The following GNAT2 variants were observed in gnomAD, a reference collection of about 807,000 sequenced individuals.
GNAT2 encodes the protein guanine nucleotide-binding protein G(t) subunit alpha-2.
In GNAT2, 32 loss-of-function variants were observed where a neutral mutation model predicts 40.9. The observed-to-expected ratio is 0.78, with a 90% CI of 0.59 to 1.05. The LOEUF (loss-of-function observed/expected upper bound fraction) is 1.05. Ranked by LOEUF, GNAT2 falls within the 50% of genes least tolerant of loss-of-function variation. The pLI is 0.00. For missense variants in GNAT2, 355 were observed against 431.5 expected, an observed-to-expected ratio of 0.82 and a Z score of 1.57; for synonymous variants, 141 against 157.2, an observed-to-expected ratio of 0.90 and a Z score of 0.77.
Position 109,603,279 on chromosome 1 carries a change from G to T in GNAT2, c.*75C>A. The T allele has an allele frequency of 1.3e-6, 1 of 790,030 alleles. No individual in the cohort carries two copies. Among genetic ancestry groups the T allele is most frequent in the South Asian group, 1.4e-5 (1 of 71,162 alleles). The allele number at this position is 790,030 out of a possible 1,614,324, so 48.9% of individuals were successfully genotyped here. On this transcript the variant is annotated 3_prime_UTR_variant, in exon 9 of 9. Coordinates refer to ENST00000679935, the MANE Select transcript of GNAT2 (RefSeq NM_001377295.2). ...TTCATTCTTCATGTCATGGTATATTGACTATAATTTTCTGTTTTTAATTAC... is the reference window on the plus strand; with the variant it reads ...TTCATTCTTCATGTCATGGTATATTTACTATAATTTTCTGTTTTTAATTAC...
rs1380050200 is a variant in GNAT2, at chr1:109,612,750, C to T, written c.118+3G>A. 1.9e-6 allele frequency: 3 copies of T among 1,546,008 alleles called. No individual in the cohort carries two copies. Among genetic ancestry groups the T allele is most frequent in the Admixed American group, 3.3e-5 (2 of 59,966 alleles). On this transcript the variant is annotated splice_donor_region_variant and intron_variant, in intron 2 of 8. Transcript: ENST00000679935. ...CTCTGGCTCATCTTCCCATCTCACT[C>T]ACCCAGCAGTAGCAGCTTGACAGTC...
intron 4 of GNAT2, chr1:109,609,131 G>A: frequency 2.7e-6 from 1 of 365,738 alleles, no homozygotes; most frequent in Non-Finnish European, 5.3e-6. Flanking sequence ...GTAAAGGCCA[G>A]ATTGACCATG....
intron 2 of GNAT2, chr1:109,610,912 C>T (rs1649773246): frequency 3.4e-6 from 1 of 290,434 alleles, no homozygotes; most frequent in Non-Finnish European, 6.7e-6. Flanking sequence ...AACATTTCTC[C>T]TCTCTGCCTA....
At chr1:109,617,974 G>A (rs1649997591) in intron 1 of GNAT2, 1 of 152,196 alleles carries the variant, frequency 6.6e-6, no homozygotes, top group Non-Finnish European at 1.5e-5. Context: ...GGCCATAAAT[G>A]TAAACAGAAT....
chr1:109,606,036 G>A lies in GNAT2; in HGVS notation c.654C>T (p.Val218=), dbSNP rs1439686767. 9 of 1,612,240 alleles carry A rather than the reference G, an allele frequency of 5.6e-6. No individual in the cohort carries two copies. Among genetic ancestry groups the A allele is most frequent in the South Asian group, 5.5e-5 (5 of 91,034 alleles). ...GGGCTGCACAGAAAATGATGCAGGT[G>A]ACTCCCTCGAAGCAGTGGATCCACT... is the stretch of plus-strand genomic sequence containing the variant. ...RKKWIHCFEG[V]TCIIFCAALS... Residue 218 remains valine, a synonymous_variant, in exon 7 of 9, where the codon GTC becomes GTT. Coordinates refer to ENST00000679935, the MANE Select transcript of GNAT2 (RefSeq NM_001377295.2).
intron 2 of GNAT2, chr1:109,611,838 C>T (rs1301040784): frequency 1.3e-5 from 2 of 152,170 alleles, no homozygotes; most frequent in Non-Finnish European, 2.9e-5. Flanking sequence ...TTAGTGTGTC[C>T]TTACGACTGT....
At chr1:109,610,850 C>T (rs1649771586) in intron 2 of GNAT2, 2 of 398,876 alleles carry the variant, frequency 5.0e-6, no homozygotes, top group South Asian at 4.7e-5. Context: ...TGACCACTGG[C>T]AGTCAAAATC....
At chr1:109,608,584 A>G (rs1236371558) in intron 5 of GNAT2, 47 bp downstream of exon 5, 17 of 1,576,708 alleles carry the variant, frequency 1.1e-5, no homozygotes, top group Middle Eastern at 1.7e-4. Context: ...AAGACTGGCT[A>G]GAAGATTGCT....
chr1:109,605,771 T>C, intron 7 of GNAT2, 199 bp downstream of exon 7: 1 of 555,658 alleles, frequency 1.8e-6, no homozygotes, highest in South Asian at 1.9e-5. Flanking sequence ...TCAGTAAATT[T>C]GGAGCTCTAA....
intron 1 of GNAT2, chr1:109,615,522 C>G (rs1649926366): frequency 6.6e-6 from 1 of 151,812 alleles, no homozygotes; most frequent in South Asian, 2.0e-4. Context: ...GTAATCCCAG[C>G]TACTTGGGAG....
At position 109,610,037 on chromosome 1, in the gene GNAT2, T is replaced by C. The variant is rs1445911815; in HGVS notation, c.303+3A>G. On this transcript the variant is annotated splice_donor_region_variant and intron_variant, in intron 4 of 8. Transcript: ENST00000679935. ...CCTTAACCACATAATAGTAATCACATACCGCACAGCTTGGTTCAGCATAAT... is the reference window on the plus strand; with the variant it reads ...CCTTAACCACATAATAGTAATCACACACCGCACAGCTTGGTTCAGCATAAT... 6.2e-7 allele frequency: 1 copy of C among 1,613,860 alleles called. No homozygotes were observed. The highest frequency in any genetic ancestry group is 1.7e-5 in the Admixed American group (1 of 60,004).
chr1:109,609,967 G>T, intron 4 of GNAT2, 73 bp downstream of exon 4: 1 of 1,429,610 alleles, frequency 7.0e-7, no homozygotes, highest in Non-Finnish European at 9.9e-7. Flanking sequence ...CATATAGTTT[G>T]TTGGCCTCTG....
rs758154861 is a variant in GNAT2, at chr1:109,612,720, G to C, written c.118+33C>G. 1.5e-5 allele frequency: 19 copies of C among 1,285,166 alleles called. No homozygotes were observed. In the Middle Eastern group the frequency reaches 7.3e-4, roughly 50 times the overall value. 79.6% of individuals were successfully genotyped at this position (1,285,166 alleles called of 1,614,324 possible). A position where few individuals can be genotyped will look rare whatever the true frequency, so the allele number is the denominator to read the frequency against. On this transcript the variant is annotated intron_variant, in intron 2 of 8. Transcript: ENST00000679935. ...CTTCAGGAAAGTAGGAAGGACCCCTGCCTTCTCTGGCTCATCTTCCCATCT... is the reference window on the plus strand; with the variant it reads ...CTTCAGGAAAGTAGGAAGGACCCCTCCCTTCTCTGGCTCATCTTCCCATCT...
At chr1:109,610,718 G>A (rs1305841064) in intron 2 of GNAT2, 5 of 625,328 alleles carry the variant, frequency 8.0e-6, no homozygotes, top group African/African-American at 7.3e-5. Flanking sequence ...GTACTATTTA[G>A]TTTGGGCTGT....
intron 4 of GNAT2, 174 bp from the exon 5 acceptor site, chr1:109,608,962 C>T (rs1399583865): frequency 8.9e-6 from 6 of 675,446 alleles, no homozygotes; most frequent in South Asian, 3.3e-5. Flanking sequence ...TGAGTATGCT[C>T]CCCAGATGCA....
At position 109,608,704 on chromosome 1, in the gene GNAT2, AC is replaced by A. The variant is rs1398291095; in HGVS notation, c.387del (p.Arg129SerfsTer28). The part of the protein sequence containing the change: ...MPPELVEVIR[R>X]LWKDGGVQAC... Reference sequence around the variant, plus strand: ...GCTTGCACCCCACCATCCTTCCACAACCTCCTAATGACCTCCACGAGCTCAG... The same window carrying A: ...GCTTGCACCCCACCATCCTTCCACAACTCCTAATGACCTCCACGAGCTCAG... On this transcript the variant is annotated frameshift_variant, in exon 5 of 9. Transcript: ENST00000679935. LOFTEE classifies it high-confidence loss of function. The A allele has an allele frequency of 6.2e-7, 1 of 1,613,408 alleles. No homozygotes were observed. The highest frequency in any genetic ancestry group is 8.5e-7 in the Non-Finnish European group (1 of 1,179,676).
chr1:109,604,959 A>G (rs1649547632), intron 7 of GNAT2: 2 of 152,406 alleles, frequency 1.3e-5, no homozygotes, highest in South Asian at 2.1e-4. Flanking sequence ...AAAGATGGAA[A>G]GTCTCATAGA....
intron 8 of GNAT2, 169 bp from the exon 9 acceptor site, chr1:109,603,713 T>C: frequency 1.5e-6 from 1 of 676,924 alleles, no homozygotes; most frequent in African/African-American, 1.8e-5. Context: ...CTCACTTTAG[T>C]TGAAAAGAAA....
chr1:109,603,877 T>C, intron 8 of GNAT2, 74 bp downstream of exon 8: 1 of 1,119,478 alleles, frequency 8.9e-7, no homozygotes, highest in Non-Finnish European at 1.4e-6. Context: ...TTGTGTCATC[T>C]TGGCCTAAAA....
Sources: gnomAD v4.1 joint callset for allele counts on GRCh38, gnomAD v4.1.1 for gene constraint, MANE v1.5 for transcripts, NCBI Gene and HGNC (gene_info 2026-07-23, HGNC 2026-07-21) for gene names.